TFAP2C: variants seen among roughly 807,000 people sequenced by gnomAD.
The protein encoded by TFAP2C is transcription factor AP-2 gamma.
TFAP2C carries 9 observed loss-of-function variants against 42.9 expected under a neutral mutation model. The observed-to-expected ratio is 0.21, with a 90% CI of 0.13 to 0.37. TFAP2C has a LOEUF of 0.37. TFAP2C is among the 10% of genes least tolerant of loss of function. TFAP2C has a pLI of 1.00. For missense variants in TFAP2C, 462 were observed against 591.7 expected (o/e 0.78, Z 2.27); for synonymous variants, 264 against 256.0 (o/e 1.03, Z -0.30).
Position 56,638,069 on chromosome 20 carries a change from T to C in TFAP2C, c.*56T>C. 1 of 1,510,194 alleles carries C rather than the reference T, an allele frequency of 6.6e-7. No homozygotes were observed. The highest frequency in any genetic ancestry group is 1.2e-5 in the South Asian group (1 of 80,824). 93.5% of individuals were successfully genotyped at this position (1,510,194 alleles called of 1,614,324 possible). A position where few individuals can be genotyped will look rare whatever the true frequency, so the allele number is the denominator to read the frequency against. ...GGAAGGAACAGGACTGCAAAAATCC[T>C]TCTCCACCGCACAGACTGGGAACCC... On this transcript the variant is annotated 3_prime_UTR_variant, in exon 7 of 7. Transcript: ENST00000201031.
intron 6 of TFAP2C, among the ~76,000 whole-genome samples, chr20:56,637,292 G>A (rs1018918902): frequency 6.6e-6 from 1 of 152,190 alleles, no homozygotes; most frequent in Non-Finnish European, 1.5e-5. Context: ...AAAAGAGAGC[G>A]CAGTGAACCA....
rs1231901019 is a variant in TFAP2C, at chr20:56,630,350, G to A, written c.48+758G>A. ...CAGGCCCGGGCGCTTCCGCCAGGAG[G>A]CGACAGCGCCATGTTCCTCCAGGTT... is the stretch of plus-strand genomic sequence containing the variant. On this transcript the variant is annotated intron_variant, in intron 1 of 6. Coordinates refer to ENST00000201031, the MANE Select transcript of TFAP2C (RefSeq NM_003222.4). This position sits in a 1 kb window ranked among gnomAD's most constrained non-coding sequence, Gnocchi z 5.1. The A allele has an allele frequency of 2.2e-6, 1 of 454,220 alleles. No individual in the cohort carries two copies. Among genetic ancestry groups the A allele is most frequent in the South Asian group, 1.6e-5 (1 of 63,380 alleles). 28.1% of individuals were successfully genotyped at this position (454,220 alleles called of 1,614,324 possible).
In TFAP2C at chr20:56,629,763, T is replaced by C. The variant is rs535327824; in HGVS notation, c.48+171T>C. On this transcript the variant is annotated intron_variant, in intron 1 of 6. Transcript: ENST00000201031. The surrounding 1 kb of genome is among the most constrained non-coding windows in gnomAD (Gnocchi z 5.9). ...ATTTCTGCGGGGCCCCTTTCCTGTA[T>C]AGGGCCTTTTCCTAAATAGCCTCCC... Among the ~76,000 whole-genome samples the C allele has an allele frequency of 6.6e-6, 1 of 151,804 alleles. No homozygotes were observed. The highest frequency in any genetic ancestry group is 2.1e-4 in the South Asian group (1 of 4,798).
In TFAP2C at chr20:56,629,535, G is replaced by T. The variant is rs1987444104; in HGVS notation, c.-10G>T. 1.4e-6 allele frequency: 2 copies of T among 1,423,448 alleles called. No individual in the cohort carries two copies. The allele number at this position is 1,423,448 out of a possible 1,614,324, so 88.2% of individuals were successfully genotyped here. ...TTAACTGGCGACTGTTTTGGGGGAC[G>T]CCGGACGCCATGTTGTGGAAAATAA... On this transcript the variant is annotated 5_prime_UTR_variant, in exon 1 of 7. Transcript: ENST00000201031. The surrounding 1 kb of genome is among the most constrained non-coding windows in gnomAD (Gnocchi z 5.9).
At position 56,629,564 on chromosome 20, in the gene TFAP2C, A is replaced by G; in HGVS notation, c.20A>G (p.Asp7Gly). Residue 7 changes from aspartate (D) to glycine (G), a missense_variant, in exon 1 of 7, where the codon GAT becomes GGT. By Grantham distance (94) the Asp-to-Gly change is moderately conservative (BLOSUM62 -1). Coordinates refer to ENST00000201031, the MANE Select transcript of TFAP2C (RefSeq NM_003222.4). The surrounding 1 kb of genome is among the most constrained non-coding windows in gnomAD (Gnocchi z 5.9). MLWKIT[D>G]NVKYEEDCED... ...GACGCCATGTTGTGGAAAATAACCGATAATGTCAAGTACGAAGAGGACTGC... is the reference window on the plus strand; with the variant it reads ...GACGCCATGTTGTGGAAAATAACCGGTAATGTCAAGTACGAAGAGGACTGC... 1 of 1,426,812 alleles carries G rather than the reference A, an allele frequency of 7.0e-7. No individual in the cohort carries two copies. The highest frequency in any genetic ancestry group is 9.2e-7 in the Non-Finnish European group (1 of 1,088,122). The allele number at this position is 1,426,812 out of a possible 1,614,324, so 88.4% of individuals were successfully genotyped here.
chr20:56,629,557 A>G lies in TFAP2C; in HGVS notation c.13A>G (p.Ile5Val). The G allele has an allele frequency of 7.0e-7, 1 of 1,427,440 alleles. No individual in the cohort carries two copies. Among genetic ancestry groups the G allele is most frequent in the South Asian group, 1.7e-5 (1 of 57,716 alleles). 88.4% of individuals were successfully genotyped at this position (1,427,440 alleles called of 1,614,324 possible). A position where few individuals can be genotyped will look rare whatever the true frequency, so the allele number is the denominator to read the frequency against. ...GACGCCGGACGCCATGTTGTGGAAA[A>G]TAACCGATAATGTCAAGTACGAAGA... MLWK[I>V]TDNVKYEEDC... Residue 5 changes from isoleucine to valine, a missense_variant, in exon 1 of 7, where the codon ATA (isoleucine) becomes GTA (valine). Ile to Val is a conservative substitution (Grantham distance 29). Transcript: ENST00000201031. This position sits in a 1 kb window ranked among gnomAD's most constrained non-coding sequence, Gnocchi z 5.9.
chr20:56,633,689 T>G, intron 4 of TFAP2C, 120 bp downstream of exon 4: 1 of 741,844 alleles, frequency 1.3e-6, no homozygotes, highest in Non-Finnish European at 2.3e-6. Flanking sequence ...TCTAATCGGG[T>G]TAGAGTTTTA....
chr20:56,632,577 G>A (rs1336867750), intron 3 of TFAP2C, among the ~76,000 whole-genome samples: 9 of 152,060 alleles, frequency 5.9e-5, no homozygotes, highest in Admixed American at 5.9e-4. Flanking sequence ...TGAGGATGGA[G>A]GAAAAATGGA....
At chr20:56,637,630 C>A in intron 6 of TFAP2C, 98 bp from the exon 7 acceptor site, 1 of 1,190,118 alleles carries the variant, frequency 8.4e-7, no homozygotes, top group Non-Finnish European at 1.2e-6. Context: ...AGCAGTTGTG[C>A]TTGCCTCCCG....
rs777617571 is a variant in TFAP2C, at chr20:56,637,787, G to T, written c.1127G>T (p.Ser376Ile). ...CAAGACCGGACACCCCATGGGACCAGCAGGCTCGCCCCAGTCTTGGAGACG... is the reference window on the plus strand; with the variant it reads ...CAAGACCGGACACCCCATGGGACCATCAGGCTCGCCCCAGTCTTGGAGACG... ...LSQDRTPHGT[S>I]RLAPVLETNI... The change falls in exon 7 of 7, where the codon AGC becomes ATC. Residue 376 changes from serine (S) to isoleucine (I), a missense_variant. Ser to Ile is a moderately radical substitution (Grantham distance 142, BLOSUM62 -2). Coordinates refer to ENST00000201031, the MANE Select transcript of TFAP2C (RefSeq NM_003222.4). 6.2e-7 allele frequency: 1 copy of T among 1,614,216 alleles called. No homozygotes were observed. Among genetic ancestry groups the T allele is most frequent in the Non-Finnish European group, 8.5e-7 (1 of 1,180,038 alleles).
intron 3 of TFAP2C, among the ~76,000 whole-genome samples, chr20:56,632,406 G>A (rs1987509412): frequency 6.6e-6 from 1 of 152,114 alleles, no homozygotes; most frequent in African/African-American, 2.4e-5. Flanking sequence ...ATGGGGAGGA[G>A]GGGATTTGGA....
chr20:56,631,766 T>TC lies in TFAP2C; in HGVS notation c.535-34dup, dbSNP rs1326100020. The TC allele has an allele frequency of 6.2e-7, 1 of 1,613,570 alleles. No individual in the cohort carries two copies. Among genetic ancestry groups the TC allele is most frequent in the African/African-American group, 1.3e-5 (1 of 74,812 alleles). ...GCCCCCACCCCGCACTCCTCTAGGC[T>TC]CCCCCGAACTTAAGGGAATTTTGTC... On this transcript the variant is annotated intron_variant, in intron 2 of 6. Transcript: ENST00000201031. This position sits in a 1 kb window ranked among gnomAD's most constrained non-coding sequence, Gnocchi z 6.1.
Position 56,638,047 on chromosome 20 carries a change from A to G in TFAP2C, c.*34A>G. The G allele has an allele frequency of 6.3e-7, 1 of 1,588,742 alleles. No homozygotes were observed. Among genetic ancestry groups the G allele is most frequent in the South Asian group, 1.1e-5 (1 of 88,168 alleles). On this transcript the variant is annotated 3_prime_UTR_variant, in exon 7 of 7. Coordinates refer to ENST00000201031, the MANE Select transcript of TFAP2C (RefSeq NM_003222.4). ...CGAAGAAAGGTTAGGAGAGTAGGGA[A>G]GGAACAGGACTGCAAAAATCCTTCT...
At chr20:56,635,001 C>T (rs920154708) in intron 5 of TFAP2C, among the ~76,000 whole-genome samples, 18 of 152,280 alleles carry the variant, frequency 1.2e-4, no homozygotes, top group African/African-American at 3.1e-4. Flanking sequence ...AAGAGTTGGA[C>T]GCTGAGAGAG....
In TFAP2C at chr20:56,638,382, T is replaced by G. The variant is rs1987626378; in HGVS notation, c.*369T>G. The stretch of plus-strand genomic sequence containing the variant: ...CACACTTAGCCATTGAAATGTCAAA[T>G]TGATGTGCCCTAGATCAACAGATCA... On this transcript the variant is annotated 3_prime_UTR_variant, in exon 7 of 7. Coordinates refer to ENST00000201031, the MANE Select transcript of TFAP2C (RefSeq NM_003222.4). The G allele has an allele frequency of 2.0e-5, 4 of 198,124 alleles. No individual in the cohort carries two copies. The South Asian group carries it at 4.9e-4, about 24-fold the overall frequency. 12.3% of individuals were successfully genotyped at this position (198,124 alleles called of 1,614,324 possible).
At chr20:56,636,416 A>T (rs1165595051) in intron 5 of TFAP2C, among the ~76,000 whole-genome samples, 194 bp from the exon 6 acceptor site, 1 of 151,994 alleles carries the variant, frequency 6.6e-6, no homozygotes, top group Non-Finnish European at 1.5e-5. Context: ...AATCCCAGCT[A>T]TTCAGGGGCT....
At chr20:56,635,196 G>A (rs1363547286) in intron 5 of TFAP2C, among the ~76,000 whole-genome samples, 1 of 152,194 alleles carries the variant, frequency 6.6e-6, no homozygotes, top group Non-Finnish European at 1.5e-5. Flanking sequence ...GAAAGGAGCT[G>A]CCTGTCTGAG....
At chr20:56,634,550 G>GGGGTGTCTGT (rs2036017496) in intron 5 of TFAP2C, among the ~76,000 whole-genome samples, 1 of 152,182 alleles carries the variant, frequency 6.6e-6, no homozygotes, top group African/African-American at 2.4e-5. Context: ...TCACACTCTA[G>GGGGTGTCTGT]GGGTGTCGGC....
intron 6 of TFAP2C, among the ~76,000 whole-genome samples, chr20:56,637,274 A>AAT (rs1252916967): frequency 2.6e-5 from 4 of 152,174 alleles, no homozygotes; most frequent in African/African-American, 9.7e-5. Flanking sequence ...CGAGCCAGGA[A>AAT]ATGGGGTAAA....
Sources: allele counts gnomAD v4.1 joint callset (sites outside exome capture counted in the v4.1 genomes callset), GRCh38; gene constraint gnomAD v4.1.1; non-coding constraint Gnocchi (gnomAD v3.1); transcripts MANE v1.5; gene names NCBI Gene and HGNC (gene_info 2026-07-23, HGNC 2026-07-21).